The following NEGR1 variants were observed in gnomAD, a reference collection of about 807,000 sequenced individuals.
The protein encoded by NEGR1 is neuronal growth regulator 1.
NEGR1 carries 10 observed loss-of-function variants against 40.9 expected under a neutral mutation model. The observed-to-expected ratio is 0.24, with a 90% CI of 0.15 to 0.42. The LOEUF is 0.42. Ranked by LOEUF, NEGR1 falls within the 10% of genes least tolerant of loss-of-function variation. The probability of loss-of-function intolerance (pLI) is 1.00; values close to 1 mark genes in which losing one functional copy is unlikely to be tolerated. For synonymous variants in NEGR1, 185 were observed against 166.8 expected, an observed-to-expected ratio of 1.11 and a Z score of -0.84; for missense variants, 352 against 438.9, an observed-to-expected ratio of 0.80 and a Z score of 1.77.
rs973574833 is a variant in NEGR1, at chr1:71,715,653, C to T, written c.536-17514G>A. ...CTCAAGTTCAAAGTTACACAGATCT[C>T]GAGGGCAGGGGGAAAATGTCACCAG... On this transcript the variant is annotated intron_variant, in intron 3 of 6. Transcript: ENST00000357731. Among the ~76,000 whole-genome samples the T allele has an allele frequency of 1.1e-4, 17 of 152,278 alleles. No homozygotes were observed. The South Asian group carries it at 1.9e-3, about 17-fold the overall frequency.
Position 71,577,647 on chromosome 1 carries a change from G to T in NEGR1, c.940+15170C>A, listed in dbSNP as rs1649006291. On this transcript the variant is annotated intron_variant, in intron 6 of 6. Coordinates refer to ENST00000357731, the MANE Select transcript of NEGR1 (RefSeq NM_173808.3). ...TTATAATAGGTTCCAGATTTTTTCT[G>T]TTATCCATCTATGTGGTAATCAGAC... is the stretch of plus-strand genomic sequence containing the variant. 3.9e-5 allele frequency among the ~76,000 whole-genome samples: 6 copies of T among 152,058 alleles called. No individual in the cohort carries two copies. The South Asian group carries it at 1.2e-3, about 32-fold the overall frequency.
chr1:71,846,864 T>C (rs976850200), intron 2 of NEGR1, among the ~76,000 whole-genome samples: 8 of 152,198 alleles, frequency 5.3e-5, no homozygotes, highest in African/African-American at 1.2e-4. Flanking sequence ...TCTACCCTCA[T>C]GACCTAATCA....
chr1:72,155,312 C>T (rs528897063), intron 1 of NEGR1, among the ~76,000 whole-genome samples: 1 of 152,042 alleles, frequency 6.6e-6, no homozygotes, highest in Admixed American at 6.6e-5. Context: ...GAGGAAGAAT[C>T]CCATCCTTCA....
At chr1:71,790,284 C>T (rs1657067203) in intron 2 of NEGR1, among the ~76,000 whole-genome samples, 1 of 152,006 alleles carries the variant, frequency 6.6e-6, no homozygotes, top group Admixed American at 6.6e-5. Flanking sequence ...CAGCAGTGCT[C>T]AATAATAATC....
intron 6 of NEGR1, among the ~76,000 whole-genome samples, chr1:71,492,695 G>A (rs896486365): frequency 6.6e-6 from 1 of 151,990 alleles, no homozygotes; most frequent in African/African-American, 2.4e-5. Flanking sequence ...ACACAAAGCT[G>A]GTTAGGTTAA....
chr1:71,635,217 T>C (rs1044387294), intron 4 of NEGR1, among the ~76,000 whole-genome samples: 3 of 152,030 alleles, frequency 2.0e-5, no homozygotes, highest in African/African-American at 4.8e-5. Context: ...AAAAGGGAGA[T>C]ACACATTAAT....
At chr1:71,690,733 A>G (rs982369681) in intron 4 of NEGR1, among the ~76,000 whole-genome samples, 1 of 149,756 alleles carries the variant, frequency 6.7e-6, no homozygotes, top group African/African-American at 2.5e-5. Flanking sequence ...TTTGGCGTGG[A>G]GTCATTTTCA....
intron 3 of NEGR1, among the ~76,000 whole-genome samples, chr1:71,707,777 C>T (rs1653952857): frequency 6.6e-6 from 1 of 152,070 alleles, no homozygotes; most frequent in Non-Finnish European, 1.5e-5. Flanking sequence ...TCACTGTATC[C>T]CCAGGTTCAG....
chr1:71,686,414 G>T (rs1653039447), intron 4 of NEGR1, among the ~76,000 whole-genome samples: 1 of 152,070 alleles, frequency 6.6e-6, no homozygotes, highest in African/African-American at 2.4e-5. Context: ...TCATTCAGGG[G>T]CTCACACAAG....
intron 4 of NEGR1, among the ~76,000 whole-genome samples, chr1:71,694,599 A>G (rs1360289154): frequency 6.6e-6 from 1 of 151,776 alleles, no homozygotes; most frequent in African/African-American, 2.4e-5. Context: ...ATTAAATTGA[A>G]TAGAAATCCA....
At chr1:71,597,436 C>CTT (rs1649752769) in intron 5 of NEGR1, among the ~76,000 whole-genome samples, 1 of 20,844 alleles carries the variant, frequency 4.8e-5, no homozygotes, top group Non-Finnish European at 1.3e-4. Flanking sequence ...ATATATGTCT[C>CTT]TCTCTCTCTC....
intron 2 of NEGR1, among the ~76,000 whole-genome samples, chr1:71,867,058 G>C (rs1396263205): frequency 6.6e-6 from 1 of 152,112 alleles, no homozygotes; most frequent in Non-Finnish European, 1.5e-5. Flanking sequence ...TGAAAAGAAA[G>C]ATACATTATC....
At chr1:72,212,726 T>C (rs1043608838) in intron 1 of NEGR1, among the ~76,000 whole-genome samples, 1 of 151,986 alleles carries the variant, frequency 6.6e-6, no homozygotes, top group Admixed American at 6.6e-5. Flanking sequence ...CAAACAGCTA[T>C]TCTAAAATTT....
chr1:71,847,385 G>A (rs1210586271), intron 2 of NEGR1, among the ~76,000 whole-genome samples: 1 of 152,080 alleles, frequency 6.6e-6, no homozygotes, highest in East Asian at 1.9e-4. Flanking sequence ...TGGCAACACT[G>A]TGTCCAGCGA....
At chr1:71,679,983 C>CA (rs1177840596) in intron 4 of NEGR1, among the ~76,000 whole-genome samples, 3 of 151,884 alleles carry the variant, frequency 2.0e-5, no homozygotes, top group African/African-American at 7.2e-5. Context: ...AAGTTAAAAT[C>CA]AACATGATAT....
chr1:71,610,978 C>T (rs756643165), intron 5 of NEGR1, 48 bp downstream of exon 5: 9 of 1,581,878 alleles, frequency 5.7e-6, no homozygotes, highest in Admixed American at 3.5e-5. Flanking sequence ...AACACAAGCA[C>T]GTTAGCTCAA....
chr1:71,761,653 C>T (rs1236122021), intron 3 of NEGR1, among the ~76,000 whole-genome samples: 1 of 152,034 alleles, frequency 6.6e-6, no homozygotes, highest in African/African-American at 2.4e-5. Context: ...TTAAGGCTCC[C>T]TCAATGTTAA....
chr1:71,524,706 A>T (rs951929480), intron 6 of NEGR1, among the ~76,000 whole-genome samples: 5 of 151,694 alleles, frequency 3.3e-5, no homozygotes, highest in Non-Finnish European at 5.9e-5. Context: ...GAATTAAGGT[A>T]GCAGATTGGA....
intron 1 of NEGR1, among the ~76,000 whole-genome samples, chr1:71,958,903 C>T (rs61765342): frequency 0.034 from 5,110 of 149,732 alleles, 132 homozygotes; most frequent in Middle Eastern, 0.052. Flanking sequence ...TGCAGTAAGC[C>T]GAGATTGTGC....
Sources: allele counts gnomAD v4.1 joint callset (sites outside exome capture counted in the v4.1 genomes callset), GRCh38; gene constraint gnomAD v4.1.1; transcripts MANE v1.5; gene names NCBI Gene and HGNC (gene_info 2026-07-23, HGNC 2026-07-21).